RASGRF1: variants seen among roughly 807,000 people sequenced by gnomAD.
The protein encoded by RASGRF1 is ras-specific guanine nucleotide-releasing factor 1.
Under a neutral mutation model 138.7 loss-of-function variants are expected in RASGRF1, and 40 were observed. The observed-to-expected ratio is 0.29, with a 90% CI of 0.22 to 0.38. The LOEUF (loss-of-function observed/expected upper bound fraction) is 0.38, where lower values mean the gene tolerates loss of function less well. Ranked by LOEUF, RASGRF1 falls within the 10% of genes least tolerant of loss-of-function variation. RASGRF1 has a pLI of 1.00. For synonymous variants in RASGRF1, 614 were observed against 663.2 expected (o/e 0.93, Z 1.14); for missense variants, 1,108 against 1,650.4 (o/e 0.67, Z 5.69).
At position 79,090,142 on chromosome 15, in the gene RASGRF1, C is replaced by A; in HGVS notation, c.276+81G>T. On this transcript the variant is annotated intron_variant, in intron 1 of 26. Coordinates refer to ENST00000558480, the MANE Select transcript of RASGRF1 (RefSeq NM_001145648.3). ...AAGAGTAGAGGGGCCAAAGTTCAAG[C>A]GCCATCAGCCAGCCGAAGGCCCTGA... The A allele has an allele frequency of 3.5e-6, 5 of 1,447,042 alleles. No individual in the cohort carries two copies. The South Asian group carries it at 7.1e-5, about 21-fold the overall frequency. The allele number at this position is 1,447,042 out of a possible 1,614,324, so 89.6% of individuals were successfully genotyped here. A position where few individuals can be genotyped will look rare whatever the true frequency, so the allele number is the denominator to read the frequency against.
chr15:78,961,475 T>C lies in RASGRF1; in HGVS notation c.*669A>G, dbSNP rs2055542654. 6.6e-6 allele frequency: 1 copy of C among 152,260 alleles called. No individual in the cohort carries two copies. The highest frequency in any genetic ancestry group is 1.5e-5 in the Non-Finnish European group (1 of 68,090). 9.4% of individuals were successfully genotyped at this position (152,260 alleles called of 1,614,324 possible). ...CATCCAGTTGTATTGAGACTGCTAT[T>C]CATGCTATCTGGTGTTAATCCTAGA... On this transcript the variant is annotated 3_prime_UTR_variant, in exon 27 of 27. Transcript: ENST00000558480.
At chr15:78,999,934 A>C in intron 16 of RASGRF1, 21 bp from the exon 17 acceptor site, 1 of 1,609,348 alleles carries the variant, frequency 6.2e-7, no homozygotes, top group South Asian at 1.1e-5. Flanking sequence ...GAGGGAACCA[A>C]CCCTCAGCTG....
intron 10 of RASGRF1, among the ~76,000 whole-genome samples, chr15:79,020,745 T>C (rs1188522077): frequency 6.6e-6 from 1 of 152,184 alleles, no homozygotes; most frequent in Non-Finnish European, 1.5e-5. Flanking sequence ...CCCTTAACAT[T>C]GTAGTGAGAA....
At chr15:78,992,942 C>G (rs909240937) in intron 20 of RASGRF1, among the ~76,000 whole-genome samples, 2 of 150,986 alleles carry the variant, frequency 1.3e-5, no homozygotes, top group African/African-American at 4.9e-5. Context: ...TCAGGGATCT[C>G]CAGCCTAAGT....
rs1349996792 is a variant in RASGRF1, at chr15:78,960,274, G to A, written c.*1870C>T. The A allele has an allele frequency of 2.0e-5, 3 of 152,828 alleles. No homozygotes were observed. Among genetic ancestry groups the A allele is most frequent in the Non-Finnish European group, 4.4e-5 (3 of 68,566 alleles). The allele number at this position is 152,828 out of a possible 1,614,324, so 9.5% of individuals were successfully genotyped here. Reference sequence around the variant, plus strand: ...GAGGCGGCCTTGGGAGCTCTGGAGTGGGTTGTGCCTTGCAGTGGGCCCCAT... The same window carrying A: ...GAGGCGGCCTTGGGAGCTCTGGAGTAGGTTGTGCCTTGCAGTGGGCCCCAT... On this transcript the variant is annotated 3_prime_UTR_variant, in exon 27 of 27. Transcript: ENST00000558480.
At chr15:79,042,675 C>G (rs923633728) in intron 5 of RASGRF1, among the ~76,000 whole-genome samples, 1 of 152,230 alleles carries the variant, frequency 6.6e-6, no homozygotes, top group Non-Finnish European at 1.5e-5. Flanking sequence ...CCCCCACTCT[C>G]TGTGTGCTAT....
Position 79,064,411 on chromosome 15 carries a change from G to T in RASGRF1, c.383+9C>A, listed in dbSNP as rs776188645. ...GTAGGGGCTTCCTGCCCTGGGCAAG[G>T]AGACATACCTGGCATGTGCAATGGC... On this transcript the variant is annotated intron_variant, in intron 2 of 26. Coordinates refer to ENST00000558480, the MANE Select transcript of RASGRF1 (RefSeq NM_001145648.3). 42 of 1,612,786 alleles carry T rather than the reference G, an allele frequency of 2.6e-5. No individual in the cohort carries two copies. Among genetic ancestry groups the T allele is most frequent in the Non-Finnish European group, 3.2e-5 (38 of 1,178,932 alleles).
At chr15:79,076,287 G>C (rs28478398) in intron 1 of RASGRF1, among the ~76,000 whole-genome samples, 1 of 150,952 alleles carries the variant, frequency 6.6e-6, no homozygotes, top group South Asian at 2.1e-4. Context: ...AAACAGAGTG[G>C]TGGGTGGGGA....
chr15:79,014,616 A>G (rs1395905351), intron 13 of RASGRF1, among the ~76,000 whole-genome samples: 3 of 152,166 alleles, frequency 2.0e-5, no homozygotes, highest in African/African-American at 7.2e-5. Flanking sequence ...GGTGAGGGAT[A>G]AAAGACTACA....
At chr15:78,985,302 A>C (rs2056128863) in intron 22 of RASGRF1, 98 bp from the exon 23 acceptor site, 1 of 1,263,538 alleles carries the variant, frequency 7.9e-7, no homozygotes, top group African/African-American at 1.5e-5. Flanking sequence ...GCTTGAAAAT[A>C]CAAGAAGGAA....
At chr15:79,089,790 G>T (rs997271532) in intron 1 of RASGRF1, among the ~76,000 whole-genome samples, 1 of 152,250 alleles carries the variant, frequency 6.6e-6, no homozygotes, top group Non-Finnish European at 1.5e-5. Context: ...CCATGCCTAA[G>T]CGCGGGGAAT....
chr15:78,988,857 T>TTC (rs2056215166), intron 22 of RASGRF1, among the ~76,000 whole-genome samples: 1 of 149,852 alleles, frequency 6.7e-6, no homozygotes, highest in Non-Finnish European at 1.5e-5. Flanking sequence ...TTTTTTTTTT[T>TTC]CCTCACACAG....
rs995409151 is a variant in RASGRF1 at position 79,073,657 on chromosome 15, T to A, written c.277-9131A>T. Among the ~76,000 whole-genome samples, 1 of 152,106 alleles carries A rather than the reference T, an allele frequency of 6.6e-6. No individual in the cohort carries two copies. The highest frequency in any genetic ancestry group is 1.9e-4 in the East Asian group (1 of 5,192). On this transcript the variant is annotated intron_variant, in intron 1 of 26. Coordinates refer to ENST00000558480, the MANE Select transcript of RASGRF1 (RefSeq NM_001145648.3). The surrounding 1 kb of genome is among the most constrained non-coding windows in gnomAD (Gnocchi z 4.2). ...GGCTCTGGCTACAGGTGGTTGAGGA[T>A]GGCATGGGGACAAGACTGGCTGCCC...
chr15:79,028,893 AC>A (rs1344569902), intron 8 of RASGRF1, among the ~76,000 whole-genome samples: 1 of 152,236 alleles, frequency 6.6e-6, no homozygotes, highest in Non-Finnish European at 1.5e-5. Flanking sequence ...TCTGTGCTTA[AC>A]TGAATCAGCA....
chr15:79,015,454 G>A, intron 12 of RASGRF1, 45 bp from the exon 13 acceptor site: 1 of 1,545,548 alleles, frequency 6.5e-7, no homozygotes, highest in Middle Eastern at 1.7e-4. Context: ...CTCCATTCCT[G>A]GACCCAGGCC....
intron 4 of RASGRF1, 138 bp from the exon 5 acceptor site, chr15:79,047,137 G>C: frequency 9.3e-7 from 1 of 1,073,448 alleles, no homozygotes; most frequent in Non-Finnish European, 1.3e-6. Flanking sequence ...AAAGAGCTCA[G>C]ATGTAGACCA....
In RASGRF1 at chr15:78,985,115, G is replaced by A. The variant is rs764836166; in HGVS notation, c.3306C>T (p.Asp1102=). Residue 1102 remains aspartate (D), a synonymous_variant, in exon 23 of 27, where the codon GAC becomes GAT. Transcript: ENST00000558480. The part of the protein sequence containing the change: ...SAIEKWVAVA[D]ICRCLHNYNA... Reference sequence around the variant, plus strand: ...TGTAGTTGTGGAGGCAGCGGCATATGTCAGCTACGGCCACCCACTTCTCGA... The same window carrying A: ...TGTAGTTGTGGAGGCAGCGGCATATATCAGCTACGGCCACCCACTTCTCGA... The A allele has an allele frequency of 3.2e-5, 52 of 1,613,290 alleles. No individual in the cohort carries two copies. In the East Asian group the frequency reaches 1.2e-3, roughly 36 times the overall value.
chr15:79,073,808 G>A lies in RASGRF1; in HGVS notation c.277-9282C>T, dbSNP rs1416719542. Among the ~76,000 whole-genome samples the A allele has an allele frequency of 6.6e-6, 1 of 152,206 alleles. No homozygotes were observed. The highest frequency in any genetic ancestry group is 2.4e-5 in the African/African-American group (1 of 41,440). On this transcript the variant is annotated intron_variant, in intron 1 of 26. Coordinates refer to ENST00000558480, the MANE Select transcript of RASGRF1 (RefSeq NM_001145648.3). This position sits in a 1 kb window ranked among gnomAD's most constrained non-coding sequence, Gnocchi z 4.2. ...CATGAGAGTCCTTAAAGTCACTGGA[G>A]CTGCAGCAGCACCCAAATCACCTTG... is the stretch of plus-strand genomic sequence containing the variant.
Position 79,046,605 on chromosome 15 carries a change from C to T in RASGRF1, c.878+141G>A, listed in dbSNP as rs1447427146. 3 of 1,380,586 alleles carry T rather than the reference C, an allele frequency of 2.2e-6. No homozygotes were observed. Among genetic ancestry groups the T allele is most frequent in the Admixed American group, 2.1e-5 (1 of 48,342 alleles). 85.5% of individuals were successfully genotyped at this position (1,380,586 alleles called of 1,614,324 possible). On this transcript the variant is annotated intron_variant, in intron 5 of 26. Transcript: ENST00000558480. This position sits in a 1 kb window ranked among gnomAD's most constrained non-coding sequence, Gnocchi z 5.3. ...ATTATTGGGGTTGGTGGTTTCTAGC[C>T]ACGTGATCTTGGGCACTTCTGTCCT...
Sources: allele counts gnomAD v4.1 joint callset (sites outside exome capture counted in the v4.1 genomes callset), GRCh38; gene constraint gnomAD v4.1.1; non-coding constraint Gnocchi (gnomAD v3.1); transcripts MANE v1.5; gene names NCBI Gene and HGNC (gene_info 2026-07-23, HGNC 2026-07-21).